Variants in CAMTA1 observed in about 807,000 individuals in gnomAD.
CAMTA1 encodes calmodulin-binding transcription activator 1.
A neutral mutation model predicts 170.9 loss-of-function variants in CAMTA1; 27 were observed. That is an observed-to-expected ratio of 0.16 (90% CI 0.12 to 0.22). The LOEUF is 0.22. CAMTA1 is among the 10% of genes least tolerant of loss of function. The probability of loss-of-function intolerance (pLI) is 1.00; values close to 1 mark genes in which losing one functional copy is unlikely to be tolerated. For missense variants in CAMTA1, 1,619 were observed against 2,217.2 expected, an observed-to-expected ratio of 0.73 and a Z score of 5.42; for synonymous variants, 833 against 891.5, an observed-to-expected ratio of 0.93 and a Z score of 1.17.
chr1:6,847,197 G>T (rs887331916), intron 3 of CAMTA1, among the ~76,000 whole-genome samples: 2 of 151,824 alleles, frequency 1.3e-5, no homozygotes, highest in African/African-American at 2.4e-5. Context: ...TAGAGATGGG[G>T]TTTTGCTGTG....
chr1:7,537,097 G>A (rs193143292), intron 6 of CAMTA1, among the ~76,000 whole-genome samples: 161 of 152,320 alleles, frequency 1.1e-3, no homozygotes, highest in African/African-American at 3.8e-3. Flanking sequence ...TGCAGCTGTG[G>A]GCTACAGCGG....
In CAMTA1 at chr1:7,044,390, G is replaced by T. The variant is rs574299556; in HGVS notation, c.235-46914G>T. ...GACCCTGGGGACTCACAGCAGTACTGCTGGGGACGCCGAGGACGCAGAGCC... is the reference window on the plus strand; with the variant it reads ...GACCCTGGGGACTCACAGCAGTACTTCTGGGGACGCCGAGGACGCAGAGCC... On this transcript the variant is annotated intron_variant, in intron 3 of 22. Transcript: ENST00000303635. The surrounding 1 kb of genome is among the most constrained non-coding windows in gnomAD (Gnocchi z 5.0). Among the ~76,000 whole-genome samples the T allele has an allele frequency of 1.3e-5, 2 of 152,222 alleles. No individual in the cohort carries two copies. Among genetic ancestry groups the T allele is most frequent in the African/African-American group, 4.8e-5 (2 of 41,540 alleles).
chr1:7,545,598 G>A (rs2094680776), intron 6 of CAMTA1, among the ~76,000 whole-genome samples: 1 of 152,156 alleles, frequency 6.6e-6, no homozygotes, highest in South Asian at 2.1e-4. Context: ...TTAGACTCAG[G>A]TGGTGCATCT....
intron 6 of CAMTA1, among the ~76,000 whole-genome samples, chr1:7,618,228 C>A (rs1015907239): frequency 6.6e-6 from 1 of 152,198 alleles, no homozygotes; most frequent in Non-Finnish European, 1.5e-5. Context: ...ATCTCTAGTG[C>A]CTGTAACTCA....
chr1:7,380,596 G>A (rs1305977382), intron 5 of CAMTA1, among the ~76,000 whole-genome samples: 1 of 152,066 alleles, frequency 6.6e-6, no homozygotes, highest in Non-Finnish European at 1.5e-5. Context: ...AAGAAAAGAA[G>A]GTTGCCCAGT....
At chr1:7,357,209 G>A (rs918382736) in intron 5 of CAMTA1, among the ~76,000 whole-genome samples, 3 of 152,316 alleles carry the variant, frequency 2.0e-5, no homozygotes, top group South Asian at 2.1e-4. Flanking sequence ...AGAAGGCATC[G>A]AGGGATGCCC....
chr1:7,493,260 TAC>T (rs1557807592), intron 6 of CAMTA1, among the ~76,000 whole-genome samples: 5 of 95,586 alleles, frequency 5.2e-5, no homozygotes, highest in African/African-American at 1.1e-4. Flanking sequence ...CAAACCTACG[TAC>T]ACACGCACAC....
rs1386308986 is a variant in CAMTA1 at position 7,685,817 on chromosome 1, AG to A, written c.2914+8086del. ...CCACGTTTCTCTTGGGCAAGCCAGT[AG>A]GTCCCAGACAGGACAAATGGCCGTT... On this transcript the variant is annotated intron_variant, in intron 11 of 22. Coordinates refer to ENST00000303635, the MANE Select transcript of CAMTA1 (RefSeq NM_015215.4). The surrounding 1 kb of genome is among the most constrained non-coding windows in gnomAD (Gnocchi z 5.7). Among the ~76,000 whole-genome samples the A allele has an allele frequency of 6.6e-6, 1 of 152,176 alleles. No homozygotes were observed. Among genetic ancestry groups the A allele is most frequent in the Non-Finnish European group, 1.5e-5 (1 of 68,016 alleles).
chr1:7,428,660 C>T (rs532832513), intron 5 of CAMTA1, among the ~76,000 whole-genome samples: 1 of 152,294 alleles, frequency 6.6e-6, no homozygotes, highest in East Asian at 1.9e-4. Flanking sequence ...TCCTCTGACC[C>T]CCCACACTGT....
chr1:7,672,421 T>C (rs2096068634), intron 10 of CAMTA1, among the ~76,000 whole-genome samples: 1 of 151,696 alleles, frequency 6.6e-6, no homozygotes, highest in African/African-American at 2.4e-5. Flanking sequence ...GGCTCTTCTT[T>C]TTGTTGGTTT....
chr1:7,654,798 T>C (rs1247450733), intron 7 of CAMTA1, among the ~76,000 whole-genome samples: 1 of 132,340 alleles, frequency 7.6e-6, no homozygotes, highest in Non-Finnish European at 1.6e-5. Context: ...CACACACCTA[T>C]ACACACACCC....
intron 4 of CAMTA1, among the ~76,000 whole-genome samples, chr1:7,107,830 G>A (rs1316631002): frequency 6.6e-6 from 1 of 152,168 alleles, no homozygotes; most frequent in African/African-American, 2.4e-5. Flanking sequence ...ATGTCTGTCT[G>A]TTGAAAGCCT....
intron 6 of CAMTA1, among the ~76,000 whole-genome samples, chr1:7,519,605 G>A (rs76996255): frequency 0.016 from 2,417 of 151,916 alleles, 105 homozygotes; most frequent in African/African-American, 0.055. Context: ...CTCATTGCCC[G>A]GGCCAATGAT....
Position 6,916,936 on chromosome 1 carries a change from G to A in CAMTA1, c.234+91726G>A, listed in dbSNP as rs117966973. ...CGGAGGCCTGTTGAGGTACATGAGG[G>A]GACAATTACAGGCCATTCTGGAGCT... On this transcript the variant is annotated intron_variant, in intron 3 of 22. Transcript: ENST00000303635. Among the ~76,000 whole-genome samples, 8 of 152,292 alleles carry A rather than the reference G, an allele frequency of 5.3e-5. No individual in the cohort carries two copies. In the East Asian group the frequency reaches 1.5e-3, roughly 29 times the overall value.
intron 3 of CAMTA1, chr1:7,008,803 A>T (rs1699379830): frequency 6.6e-6 from 1 of 152,260 alleles, no homozygotes. Context: ...CTGCTTACTT[A>T]TGGTGGAATC....
intron 4 of CAMTA1, among the ~76,000 whole-genome samples, chr1:7,240,833 C>A (rs1350996596): frequency 2.6e-5 from 4 of 152,152 alleles, no homozygotes; most frequent in African/African-American, 9.7e-5. Flanking sequence ...TAGCTTAAGT[C>A]TTCCATACAG....
At chr1:6,809,216 G>A (rs1000715209) in intron 1 of CAMTA1, among the ~76,000 whole-genome samples, 1 of 151,868 alleles carries the variant, frequency 6.6e-6, no homozygotes, top group Non-Finnish European at 1.5e-5. Flanking sequence ...TAGTAGAGAC[G>A]GGGTTTCACC....
chr1:7,644,210 T>C (rs1449467604), intron 7 of CAMTA1, among the ~76,000 whole-genome samples: 1 of 152,206 alleles, frequency 6.6e-6, no homozygotes, highest in Non-Finnish European at 1.5e-5. Flanking sequence ...CTCACCAGGC[T>C]GATTCAGAGA....
chr1:7,209,606 C>A (rs1047287725), intron 4 of CAMTA1, among the ~76,000 whole-genome samples: 4 of 152,124 alleles, frequency 2.6e-5, no homozygotes, highest in African/African-American at 9.7e-5. Flanking sequence ...TATGAAACAA[C>A]CTCGTTCTTC....
Sources: allele counts gnomAD v4.1 joint callset (sites outside exome capture counted in the v4.1 genomes callset), GRCh38; gene constraint gnomAD v4.1.1; non-coding constraint Gnocchi (gnomAD v3.1); transcripts MANE v1.5; gene names NCBI Gene and HGNC (gene_info 2026-07-23, HGNC 2026-07-21).